Variants in ZUP1 observed in about 807,000 individuals in gnomAD.
ZUP1 encodes the protein zinc finger-containing ubiquitin peptidase 1.
ZUP1 carries 55 observed loss-of-function variants against 68.1 expected under a neutral mutation model. That is an observed-to-expected ratio of 0.81 (90% confidence interval 0.65 to 1.01). The LOEUF (loss-of-function observed/expected upper bound fraction) is 1.01. ZUP1 is among the 50% of genes least tolerant of loss of function. The pLI is 0.00. For synonymous variants in ZUP1, 223 were observed against 221.5 expected (o/e 1.01, Z -0.06); for missense variants, 684 against 674.9 (o/e 1.01, Z -0.15).
Position 116,647,471 on chromosome 6 carries a change from G to C in ZUP1, c.1456C>G (p.Leu486Val). The change falls in exon 8 of 10, where the codon CTT (leucine) becomes GTT (valine). Residue 486 changes from leucine (L) to valine (V), a missense_variant. Coordinates refer to ENST00000368576, the MANE Select transcript of ZUP1 (RefSeq NM_145062.3). ...TATTAATACTAACCTTGATGCTGAA[G>C]ATAGATAGGAGGTTTAGATGTACAC... is the stretch of plus-strand genomic sequence containing the variant. The part of the protein sequence containing the change: ...VVCTSKPPIY[L>V]QHQGHSRTVI... 6.4e-7 allele frequency: 1 copy of C among 1,567,084 alleles called. No homozygotes were observed. The highest frequency in any genetic ancestry group is 8.7e-7 in the Non-Finnish European group (1 of 1,151,394).
At chr6:116,660,679 T>C (rs1458692630) in intron 3 of ZUP1, 57 bp downstream of exon 3, 3 of 909,118 alleles carry the variant, frequency 3.3e-6, no homozygotes, top group Non-Finnish European at 3.3e-6. Flanking sequence ...AAATTAGATA[T>C]GTGTCCTAGA....
chr6:116,653,197 T>C (rs1258249206), intron 5 of ZUP1, among the ~76,000 whole-genome samples: 3 of 152,070 alleles, frequency 2.0e-5, no homozygotes, highest in African/African-American at 7.2e-5. Flanking sequence ...TTCAAAATTA[T>C]AGATCCTTCA....
chr6:116,649,139 GTTA>G (rs955468406), intron 7 of ZUP1, among the ~76,000 whole-genome samples: 5 of 152,020 alleles, frequency 3.3e-5, no homozygotes, highest in South Asian at 2.1e-4. Context: ...ATTCAAGAAA[GTTA>G]TTATACATAC....
In ZUP1 at chr6:116,666,719, G is replaced by C; in HGVS notation, c.474C>G (p.Phe158Leu). Residue 158 changes from phenylalanine to leucine, a missense_variant, in exon 2 of 10, where the codon TTC (phenylalanine) becomes TTG (leucine). Transcript: ENST00000368576. ...ETTYSPPECPFCGKIEEHSED... is the reference protein window; with the variant it reads ...ETTYSPPECPLCGKIEEHSED... The stretch of plus-strand genomic sequence containing the variant: ...CACTGTGCTCCTCTATTTTTCCACA[G>C]AATGGACATTCAGGAGGACTGTATG... The C allele has an allele frequency of 6.2e-7, 1 of 1,613,524 alleles. No individual in the cohort carries two copies. The highest frequency in any genetic ancestry group is 8.5e-7 in the Non-Finnish European group (1 of 1,179,808).
chr6:116,653,765 G>A (rs1776583732), intron 5 of ZUP1, among the ~76,000 whole-genome samples: 1 of 151,950 alleles, frequency 6.6e-6, no homozygotes, highest in African/African-American at 2.4e-5. Context: ...ATGAGGTGGA[G>A]TAGGGGACAG....
intron 2 of ZUP1, among the ~76,000 whole-genome samples, chr6:116,665,958 A>G (rs1465992587): frequency 6.6e-6 from 1 of 152,054 alleles, no homozygotes; most frequent in Non-Finnish European, 1.5e-5. Flanking sequence ...CACCAACAAT[A>G]GAGTCTCAAA....
At chr6:116,662,382 T>A (rs1303596387) in intron 2 of ZUP1, among the ~76,000 whole-genome samples, 1 of 151,294 alleles carries the variant, frequency 6.6e-6, no homozygotes, top group African/African-American at 2.5e-5. Flanking sequence ...CATATCCCAG[T>A]ATACATTTTT....
At chr6:116,641,904 G>A (rs1012294739) in intron 9 of ZUP1, among the ~76,000 whole-genome samples, 8 of 152,042 alleles carry the variant, frequency 5.3e-5, no homozygotes, top group African/African-American at 9.7e-5. Flanking sequence ...TTCAGGAGCC[G>A]GTTTTTTGAA....
intron 5 of ZUP1, 58 bp downstream of exon 5, chr6:116,656,626 T>G (rs1397293348): frequency 3.7e-6 from 5 of 1,343,158 alleles, no homozygotes; most frequent in Non-Finnish European, 5.1e-6. Context: ...TGATTCTGAT[T>G]ATTACTTCAG....
At chr6:116,643,630 G>A (rs1358079965) in intron 9 of ZUP1, among the ~76,000 whole-genome samples, 1 of 152,138 alleles carries the variant, frequency 6.6e-6, no homozygotes, top group Admixed American at 6.5e-5. Flanking sequence ...AAACTGGCTG[G>A]CCATATGTAG....
At chr6:116,646,658 C>T (rs1442917618) in intron 8 of ZUP1, among the ~76,000 whole-genome samples, 1 of 152,136 alleles carries the variant, frequency 6.6e-6, no homozygotes, top group Non-Finnish European at 1.5e-5. Flanking sequence ...CACTATAGCC[C>T]CCAACTCCAA....
rs775773713 is a variant in ZUP1 at position 116,666,950 on chromosome 6, T to C, written c.243A>G (p.Leu81=). 14 of 1,613,574 alleles carry C rather than the reference T, an allele frequency of 8.7e-6. No individual in the cohort carries two copies. Among genetic ancestry groups the C allele is most frequent in the Middle Eastern group, 1.6e-4 (1 of 6,078 alleles). Residue 81 remains leucine (L), a synonymous_variant, in exon 2 of 10, where the codon CTA becomes CTG. Coordinates refer to ENST00000368576, the MANE Select transcript of ZUP1 (RefSeq NM_145062.3). The part of the protein sequence containing the change: ...GTSDNKKDNT[L]QCGMEVNSSI... The stretch of plus-strand genomic sequence containing the variant: ...TTGAATTAACTTCCATTCCACACTG[T>C]AGGGTGTTGTCTTTCTTGTTATCTG...
chr6:116,636,096 G>T (rs1024632101), intron 9 of ZUP1, among the ~76,000 whole-genome samples: 6 of 151,958 alleles, frequency 3.9e-5, no homozygotes, highest in East Asian at 1.9e-4. Context: ...AGACAAAACA[G>T]TATGAAATAG....
At chr6:116,652,963 G>A (rs781735837) in intron 5 of ZUP1, among the ~76,000 whole-genome samples, 1 of 151,802 alleles carries the variant, frequency 6.6e-6, no homozygotes, top group Admixed American at 6.6e-5. Context: ...ACATAATTTG[G>A]CCCATAGAGT....
chr6:116,636,148 T>C (rs1775904849), intron 9 of ZUP1, among the ~76,000 whole-genome samples: 1 of 152,020 alleles, frequency 6.6e-6, no homozygotes. Flanking sequence ...AAAAGTAAAA[T>C]GCTGCCTCAA....
chr6:116,666,825 A>G lies in ZUP1; in HGVS notation c.368T>C (p.Leu123Ser). ...TTTCAGGAATTTTCTAGATTCAGTTAAGTTCTCTGAATAGAAGCCTTCATG... is the reference window on the plus strand; with the variant it reads ...TTTCAGGAATTTTCTAGATTCAGTTGAGTTCTCTGAATAGAAGCCTTCATG... ...LKHEGFYSEN[L>S]TESRKFLKSR... The change falls in exon 2 of 10, where the codon TTA becomes TCA. Residue 123 changes from leucine to serine, a missense_variant. Physicochemically the swap from Leu to Ser is moderately radical, Grantham distance 145. Transcript: ENST00000368576. The G allele has an allele frequency of 6.2e-7, 1 of 1,612,894 alleles. No homozygotes were observed. Among genetic ancestry groups the G allele is most frequent in the Non-Finnish European group, 8.5e-7 (1 of 1,179,686 alleles).
At chr6:116,646,427 T>G (rs567712307) in intron 8 of ZUP1, among the ~76,000 whole-genome samples, 67 of 152,350 alleles carry the variant, frequency 4.4e-4, no homozygotes, top group Non-Finnish European at 7.3e-4. Flanking sequence ...AGTATCTATG[T>G]GCCGGGTACT....
intron 5 of ZUP1, 107 bp downstream of exon 5, chr6:116,656,577 T>A (rs74408366): frequency 1.1e-4 from 59 of 531,446 alleles, no homozygotes; most frequent in Non-Finnish European, 1.4e-4. Flanking sequence ...TTTAAAAAAA[T>A]ATTTGTGCAC....
intron 2 of ZUP1, among the ~76,000 whole-genome samples, chr6:116,661,218 T>C (rs911083760): frequency 1.3e-5 from 2 of 152,098 alleles, no homozygotes; most frequent in Non-Finnish European, 1.5e-5. Context: ...TTTCACCCCA[T>C]GTCAAAGACT....
Sources: gnomAD v4.1 joint callset for allele counts (sites outside exome capture counted in the v4.1 genomes callset) on GRCh38, gnomAD v4.1.1 for gene constraint, MANE v1.5 for transcripts, NCBI Gene and HGNC (gene_info 2026-07-23, HGNC 2026-07-21) for gene names.